Variants in SCN7A observed in about 807,000 individuals in gnomAD.
The protein encoded by SCN7A is sodium voltage-gated channel alpha subunit 7.
In SCN7A, 138 loss-of-function variants were observed where a neutral mutation model predicts 155.2. The observed-to-expected ratio is 0.89, with a 90% CI of 0.77 to 1.02. The LOEUF (loss-of-function observed/expected upper bound fraction) is 1.02, where lower values mean the gene tolerates loss of function less well. Among genes scored for constraint, SCN7A ranks in the 50% least tolerant of loss-of-function variants. SCN7A has a pLI of 0.00. For synonymous variants in SCN7A, 693 were observed against 649.0 expected, an observed-to-expected ratio of 1.07 and a Z score of -1.03; for missense variants, 2,058 against 1,986.6, an observed-to-expected ratio of 1.04 and a Z score of -0.68.
At chr2:166,445,606 G>A (rs1409763837) in intron 12 of SCN7A, among the ~76,000 whole-genome samples, 2 of 151,674 alleles carry the variant, frequency 1.3e-5, no homozygotes, top group Non-Finnish European at 2.9e-5. Context: ...TCTCTTTTTT[G>A]TCTGTTAAAC....
chr2:166,421,304 ATT>A lies in SCN7A; in HGVS notation c.3028-9_3028-8del. On this transcript the variant is annotated splice_region_variant and splice_polypyrimidine_tract_variant and intron_variant, in intron 19 of 25. Transcript: ENST00000643258. ...TTAAGCTAAGACAAAACACCTATAT[ATT>A]TTTTTTAAAAAAAGAGTGAATAGGA... is the stretch of plus-strand genomic sequence containing the variant. 6.9e-7 allele frequency: 1 copy of A among 1,440,780 alleles called. No individual in the cohort carries two copies. 89.2% of individuals were successfully genotyped at this position (1,440,780 alleles called of 1,614,324 possible).
chr2:166,414,768 T>C (rs945416460), intron 21 of SCN7A: 1 of 137,490 alleles, frequency 7.3e-6, no homozygotes, highest in South Asian at 2.1e-4. Flanking sequence ...ATAGAATATA[T>C]ATTACATAGA....
rs200874141 is a variant in SCN7A, at chr2:166,474,298, G to T, written c.281C>A (p.Ala94Glu). 2.4e-5 allele frequency: 37 copies of T among 1,527,098 alleles called. No homozygotes were observed. The highest frequency in any genetic ancestry group is 2.0e-4 in the Admixed American group (10 of 49,280). The allele number at this position is 1,527,098 out of a possible 1,614,324, so 94.6% of individuals were successfully genotyped here. A position where few individuals can be genotyped will look rare whatever the true frequency, so the allele number is the denominator to read the frequency against. The part of the protein sequence containing the change: ...NKNRTIFRFN[A>E]ASILCTLSPF... ...AGACAATGTACACAAGATGGAAGCC[G>T]CATTGAATCTGAAGATTGTTCTATT... The change falls in exon 4 of 26, where the codon GCG becomes GAG. Residue 94 changes from alanine to glutamate, a missense_variant. Transcript: ENST00000643258.
intron 7 of SCN7A, among the ~76,000 whole-genome samples, chr2:166,467,947 G>C (rs1379338549): frequency 2.0e-5 from 3 of 149,412 alleles, no homozygotes; most frequent in African/African-American, 7.4e-5. Flanking sequence ...CTTTTCCTTT[G>C]TCAATAAATT....
intron 2 of SCN7A, among the ~76,000 whole-genome samples, chr2:166,483,995 T>C (rs374222971): frequency 2.0e-5 from 3 of 152,142 alleles, no homozygotes; most frequent in East Asian, 1.9e-4. Flanking sequence ...TCTGTAACTA[T>C]ATTGAATTTT....
Position 166,443,651 on chromosome 2 carries a change from T to A in SCN7A, c.1652A>T (p.Glu551Val). ...NLVFIGIFTA[E>V]MIFKIIAMHP... is the part of the protein sequence containing the mutation. ...CATTGCAATTATTTTAAAAATCATT[T>A]CTGCTGTGAAAATTCCAATGAAAAC... Residue 551 changes from glutamate to valine, a missense_variant, in exon 14 of 26, where the codon GAA (glutamate) becomes GTA (valine). Transcript: ENST00000643258. The A allele has an allele frequency of 6.5e-7, 1 of 1,546,864 alleles. No homozygotes were observed. Among genetic ancestry groups the A allele is most frequent in the Non-Finnish European group, 8.7e-7 (1 of 1,146,132 alleles).
chr2:166,409,803 C>A lies in SCN7A; in HGVS notation c.3844G>T (p.Ala1282Ser). 6.4e-7 allele frequency: 1 copy of A among 1,573,430 alleles called. No individual in the cohort carries two copies. The highest frequency in any genetic ancestry group is 1.8e-5 in the Admixed American group (1 of 54,580). The change falls in exon 25 of 26, where the codon GCT (alanine) becomes TCT (serine). Residue 1282 changes from alanine (A) to serine (S), a missense_variant. Coordinates refer to ENST00000643258, the MANE Select transcript of SCN7A (RefSeq NM_002976.4). The stretch of plus-strand genomic sequence containing the variant: ...AAAATTGAGTTAATCCAGTAGAGAG[C>A]AATGGACATTTGTAGACTCTGAACA... The part of the protein sequence containing the change: ...TDVQSLQMSI[A>S]LYWINSIFVM...
At chr2:166,450,017 A>T (rs1702143827) in intron 11 of SCN7A, among the ~76,000 whole-genome samples, 1 of 152,180 alleles carries the variant, frequency 6.6e-6, no homozygotes, top group Non-Finnish European at 1.5e-5. Flanking sequence ...ACTCACTTGT[A>T]TGTTAATCAC....
At chr2:166,409,965 C>T (rs1298028449) in intron 24 of SCN7A, 30 bp from the exon 25 acceptor site, 1 of 1,505,990 alleles carries the variant, frequency 6.6e-7, no homozygotes, top group African/African-American at 1.4e-5. Context: ...GTGTAATAGT[C>T]TTATTAATAG....
chr2:166,409,164 A>G (rs1381768119), intron 25 of SCN7A, among the ~76,000 whole-genome samples: 1 of 152,042 alleles, frequency 6.6e-6, no homozygotes, highest in Non-Finnish European at 1.5e-5. Flanking sequence ...TTATTCTCAA[A>G]GAGAATTATC....
intron 15 of SCN7A, 35 bp from the exon 16 acceptor site, chr2:166,432,787 T>A (rs1701762134): frequency 7.1e-7 from 1 of 1,399,328 alleles, no homozygotes; most frequent in Non-Finnish European, 9.5e-7. Flanking sequence ...TAAATGTATC[T>A]CATTTTGTTT....
intron 16 of SCN7A, among the ~76,000 whole-genome samples, chr2:166,430,416 T>C (rs2105408963): frequency 6.6e-6 from 1 of 152,062 alleles, no homozygotes; most frequent in East Asian, 1.9e-4. Context: ...AAATAAAATC[T>C]GTAGCAATAT....
rs762527957 is a variant in SCN7A at position 166,417,017 on chromosome 2, A to G, written c.3136-32T>C. 4 of 1,472,896 alleles carry G rather than the reference A, an allele frequency of 2.7e-6. No individual in the cohort carries two copies. The South Asian group carries it at 5.3e-5, about 20-fold the overall frequency. 91.2% of individuals were successfully genotyped at this position (1,472,896 alleles called of 1,614,324 possible). A position where few individuals can be genotyped will look rare whatever the true frequency, so the allele number is the denominator to read the frequency against. ...TATATAAAAAATGTAAACTTTAGAT[A>G]GGAAATCTGAAACTGTTTTAGTTTT... On this transcript the variant is annotated intron_variant, in intron 20 of 25. Coordinates refer to ENST00000643258, the MANE Select transcript of SCN7A (RefSeq NM_002976.4).
intron 16 of SCN7A, among the ~76,000 whole-genome samples, chr2:166,429,766 C>G (rs561159120): frequency 2.6e-5 from 4 of 152,008 alleles, no homozygotes; most frequent in Non-Finnish European, 4.4e-5. Flanking sequence ...TGGGATTTAT[C>G]ATGAAGTAAA....
chr2:166,415,383 C>T (rs1001587649), intron 21 of SCN7A, among the ~76,000 whole-genome samples: 2 of 151,916 alleles, frequency 1.3e-5, no homozygotes, highest in African/African-American at 2.4e-5. Context: ...CGACACTCCA[C>T]CCAGCTAATT....
intron 21 of SCN7A, among the ~76,000 whole-genome samples, chr2:166,415,101 C>T (rs540784651): frequency 5.2e-4 from 77 of 147,976 alleles, no homozygotes; most frequent in Non-Finnish European, 8.6e-4. Flanking sequence ...ATACATTACC[C>T]TATAACCTGA....
chr2:166,446,549 T>C (rs1032948002), intron 12 of SCN7A, among the ~76,000 whole-genome samples: 1 of 152,198 alleles, frequency 6.6e-6, no homozygotes, highest in African/African-American at 2.4e-5. Flanking sequence ...TGAATCGTTC[T>C]ACCATAAAGA....
At position 166,456,766 on chromosome 2, in the gene SCN7A, A is replaced by T. The variant is rs1037019412; in HGVS notation, c.1290+104T>A. 6 of 541,296 alleles carry T rather than the reference A, an allele frequency of 1.1e-5. 1 individual carries two copies. In the Admixed American group the frequency reaches 2.2e-4, roughly 20 times the overall value. The allele number at this position is 541,296 out of a possible 1,614,324, so 33.5% of individuals were successfully genotyped here. On this transcript the variant is annotated intron_variant, in intron 11 of 25. Transcript: ENST00000643258. ...GTCTTAACAGAGCCTAAGCCATAGA[A>T]TCATGAGCAAATAAATGATTGCTGT...
At chr2:166,450,648 G>A (rs1465206144) in intron 11 of SCN7A, among the ~76,000 whole-genome samples, 1 of 151,978 alleles carries the variant, frequency 6.6e-6, no homozygotes, top group African/African-American at 2.4e-5. Flanking sequence ...ACAAAAATTA[G>A]CTGGATGTGT....
Sources: gnomAD v4.1 joint callset for allele counts (sites outside exome capture counted in the v4.1 genomes callset) on GRCh38, gnomAD v4.1.1 for gene constraint, MANE v1.5 for transcripts, NCBI Gene and HGNC (gene_info 2026-07-23, HGNC 2026-07-21) for gene names.